The following CDRT4 variants were observed in gnomAD, a reference collection of about 807,000 sequenced individuals.
The protein encoded by CDRT4 is CMT1A duplicated region transcript 4, also known as CMT1A duplicated region transcript 4 protein.
For synonymous variants in CDRT4, 64 were observed against 69.6 expected (o/e 0.92, Z 0.40); for missense variants, 167 against 193.1 (o/e 0.87, Z 0.80).
intron 1 of CDRT4, among the ~76,000 whole-genome samples, chr17:15,457,006 A>G (rs1460494778): frequency 6.6e-6 from 1 of 152,314 alleles, no homozygotes; most frequent in Non-Finnish European, 1.5e-5. Flanking sequence ...CGCACTGCTC[A>G]GCACCAAGAG....
intron 1 of CDRT4, among the ~76,000 whole-genome samples, chr17:15,466,495 GGT>G (rs1430244415): frequency 6.6e-6 from 1 of 152,070 alleles, no homozygotes; most frequent in African/African-American, 2.4e-5. Context: ...TTCATTCACT[GGT>G]GTCTTTTATT....
At chr17:15,465,642 AAC>A (rs971265846) in intron 1 of CDRT4, among the ~76,000 whole-genome samples, 4 of 152,086 alleles carry the variant, frequency 2.6e-5, no homozygotes, top group Non-Finnish European at 4.4e-5. Context: ...ACATTCATAC[AAC>A]ACAGACACAC....
intron 3 of CDRT4, chr17:15,439,065 G>C: frequency 2.2e-6 from 1 of 454,236 alleles, no homozygotes; most frequent in Admixed American, 2.4e-5. Flanking sequence ...CAAAATCATG[G>C]GCATGTCAGT....
chr17:15,448,156 C>A (rs1979108970), intron 2 of CDRT4, among the ~76,000 whole-genome samples: 1 of 152,150 alleles, frequency 6.6e-6, no homozygotes, highest in South Asian at 2.1e-4. Flanking sequence ...ATGGGCCAAG[C>A]CACCCCTTTT....
chr17:15,442,383 C>T (rs1978804578), intron 2 of CDRT4, among the ~76,000 whole-genome samples: 2 of 150,600 alleles, frequency 1.3e-5, no homozygotes, highest in African/African-American at 4.9e-5. Context: ...GCACTCCAGC[C>T]TGGGCAAAGG....
rs750738109 is a variant in CDRT4, at chr17:15,437,762, C to T, written c.*11G>A. On this transcript the variant is annotated 3_prime_UTR_variant, in exon 4 of 4. Transcript: ENST00000619038. Reference sequence around the variant, plus strand: ...CCCTGGCTAAAACATTTGCATGTTTCTCCTTGTTGGTCAGTAGCGAACTGT... The same window carrying T: ...CCCTGGCTAAAACATTTGCATGTTTTTCCTTGTTGGTCAGTAGCGAACTGT... The T allele has an allele frequency of 1.9e-6, 3 of 1,608,536 alleles. No individual in the cohort carries two copies. The African/African-American group carries it at 4.0e-5, about 22-fold the overall frequency.
At chr17:15,442,461 G>A (rs1162404844) in intron 2 of CDRT4, among the ~76,000 whole-genome samples, 1 of 151,848 alleles carries the variant, frequency 6.6e-6, no homozygotes, top group Non-Finnish European at 1.5e-5. Context: ...CTTCTCATCT[G>A]TAAATAGGAT....
intron 2 of CDRT4, among the ~76,000 whole-genome samples, chr17:15,442,961 A>C (rs1318966149): frequency 6.6e-6 from 1 of 152,214 alleles, no homozygotes; most frequent in East Asian, 1.9e-4. Context: ...CTACAGACAG[A>C]AACAGCATTG....
Position 15,450,001 on chromosome 17 carries a change from A to G in CDRT4, c.-48+3003T>C, listed in dbSNP as rs1979192890. Among the ~76,000 whole-genome samples the G allele has an allele frequency of 1.3e-5, 2 of 152,184 alleles. No homozygotes were observed. Among genetic ancestry groups the G allele is most frequent in the African/African-American group, 4.8e-5 (2 of 41,452 alleles). On this transcript the variant is annotated intron_variant, in intron 2 of 3. Coordinates refer to ENST00000619038, the MANE Select transcript of CDRT4 (RefSeq NM_001204477.2). This position sits in a 1 kb window ranked among gnomAD's most constrained non-coding sequence, Gnocchi z 4.2. ...GTTGATTCCATGACTGCTATTATGAATAGTGCTGGGATAAACATATGAGTG... is the reference window on the plus strand; with the variant it reads ...GTTGATTCCATGACTGCTATTATGAGTAGTGCTGGGATAAACATATGAGTG...
At chr17:15,452,637 CATA>C (rs1567612101) in intron 2 of CDRT4, 2 of 152,376 alleles carry the variant, frequency 1.3e-5, no homozygotes, top group South Asian at 4.1e-4. Flanking sequence ...TTGCCTCCCT[CATA>C]ATGATTATAA....
chr17:15,458,243 C>T (rs1232078715), intron 1 of CDRT4, among the ~76,000 whole-genome samples: 1 of 152,110 alleles, frequency 6.6e-6, no homozygotes, highest in Non-Finnish European at 1.5e-5. Flanking sequence ...CTTGCTTTAC[C>T]CAGGGGTCTA....
chr17:15,448,265 A>G (rs1979115150), intron 2 of CDRT4, among the ~76,000 whole-genome samples: 1 of 152,218 alleles, frequency 6.6e-6, no homozygotes, highest in Non-Finnish European at 1.5e-5. Context: ...CTCCACTTCT[A>G]AGGAACTGCA....
At chr17:15,459,693 G>A (rs1025534285) in intron 1 of CDRT4, among the ~76,000 whole-genome samples, 4 of 152,036 alleles carry the variant, frequency 2.6e-5, no homozygotes, top group East Asian at 1.9e-4. Context: ...TGATCCGCCC[G>A]CCTCGGCCTC....
At chr17:15,465,847 C>T (rs943387350) in intron 1 of CDRT4, among the ~76,000 whole-genome samples, 1 of 150,992 alleles carries the variant, frequency 6.6e-6, no homozygotes, top group Non-Finnish European at 1.5e-5. Flanking sequence ...ACATGCAGCG[C>T]GCATCGTGAG....
intron 1 of CDRT4, among the ~76,000 whole-genome samples, chr17:15,459,865 C>T (rs1979670262): frequency 6.6e-6 from 1 of 152,076 alleles, no homozygotes; most frequent in Non-Finnish European, 1.5e-5. Context: ...TTCTGCTTAT[C>T]TCATCTGACC....
chr17:15,452,972 G>A (rs1400237155), intron 2 of CDRT4, 32 bp downstream of exon 2: 1 of 152,180 alleles, frequency 6.6e-6, no homozygotes, highest in Non-Finnish European at 1.5e-5. Context: ...AGGATAGACT[G>A]TGGTCAAAAC....
chr17:15,443,872 G>A (rs1323029703), intron 2 of CDRT4: 4 of 612,420 alleles, frequency 6.5e-6, no homozygotes, highest in Admixed American at 1.9e-5. Context: ...ATGATCAAGG[G>A]TGTCACACTG....
At position 15,462,427 on chromosome 17, in the gene CDRT4, CAAAAAAAAAA is replaced by C. The variant is rs55662712; in HGVS notation, c.-130+5023_-130+5032del. Among the ~76,000 whole-genome samples, 23 of 59,892 alleles carry C rather than the reference CAAAAAAAAAA, an allele frequency of 3.8e-4. No homozygotes were observed. In the Admixed American group the frequency reaches 4.0e-3, roughly 11 times the overall value. 39.3% of individuals were successfully genotyped at this position (59,892 alleles called of 152,430 possible). On this transcript the variant is annotated intron_variant, in intron 1 of 3. Coordinates refer to ENST00000619038, the MANE Select transcript of CDRT4 (RefSeq NM_001204477.2). The stretch of plus-strand genomic sequence containing the variant: ...TGGGCAACAGAGTGAGACTCCATCT[CAAAAAAAAAA>C]AAAAAAAAAAAAAAGATTCTAAAGA...
chr17:15,462,839 G>A (rs1339218317), intron 1 of CDRT4, among the ~76,000 whole-genome samples: 1 of 152,224 alleles, frequency 6.6e-6, no homozygotes, highest in East Asian at 1.9e-4. Flanking sequence ...GGAGAAGGAA[G>A]GAGGGAGGTT....
Sources: allele counts gnomAD v4.1 joint callset (sites outside exome capture counted in the v4.1 genomes callset), GRCh38; gene constraint gnomAD v4.1.1; non-coding constraint Gnocchi (gnomAD v3.1); transcripts MANE v1.5; gene names NCBI Gene and HGNC (gene_info 2026-07-23, HGNC 2026-07-21).